The following IDH3A variants were observed in gnomAD, a reference collection of about 807,000 sequenced individuals.
The protein encoded by IDH3A is isocitrate dehydrogenase [NAD] subunit alpha, mitochondrial.
Under a neutral mutation model 43.3 loss-of-function variants are expected in IDH3A, and 23 were observed. That is an observed-to-expected ratio of 0.53 (90% CI 0.38 to 0.75). The LOEUF is 0.75. IDH3A is among the 30% of genes least tolerant of loss of function. IDH3A has a pLI of 0.00. For missense variants in IDH3A, 329 were observed against 474.4 expected (o/e 0.69, Z 2.85); for synonymous variants, 154 against 163.5 (o/e 0.94, Z 0.44).
At position 78,169,661 on chromosome 15, in the gene IDH3A, T is replaced by A. The variant is rs2141309505; in HGVS notation, c.*656T>A. ...AATAAGACAAAGGTAATATATTGGA[T>A]ACAAAGACACAAATGTATTGTGTGT... On this transcript the variant is annotated 3_prime_UTR_variant, in exon 11 of 11. Transcript: ENST00000299518. The A allele has an allele frequency of 6.6e-6, 1 of 152,358 alleles. No individual in the cohort carries two copies. Among genetic ancestry groups the A allele is most frequent in the Non-Finnish European group, 1.5e-5 (1 of 68,030 alleles). The allele number at this position is 152,358 out of a possible 1,614,324, so 9.4% of individuals were successfully genotyped here.
At position 78,161,142 on chromosome 15, in the gene IDH3A, A is replaced by G. The variant is rs1337578861; in HGVS notation, c.290-439A>G. ...AGCGATCCGCCTGCCTTGGCCTCCCAAAGTGTTGGGATTACAGGCCTGAGA... is the reference window on the plus strand; with the variant it reads ...AGCGATCCGCCTGCCTTGGCCTCCCGAAGTGTTGGGATTACAGGCCTGAGA... On this transcript the variant is annotated intron_variant, in intron 4 of 10. Coordinates refer to ENST00000299518, the MANE Select transcript of IDH3A (RefSeq NM_005530.3). This position sits in a 1 kb window ranked among gnomAD's most constrained non-coding sequence, Gnocchi z 4.8. Among the ~76,000 whole-genome samples the G allele has an allele frequency of 6.6e-6, 1 of 152,232 alleles. No individual in the cohort carries two copies. Among genetic ancestry groups the G allele is most frequent in the Non-Finnish European group, 1.5e-5 (1 of 68,032 alleles).
Position 78,158,463 on chromosome 15 carries a change from ATTTTTTTTTT to A in IDH3A, c.174+853_174+862del, listed in dbSNP as rs67298643. ...TACATACATACATATATATATATAT[ATTTTTTTTTT>A]TTTTTTTTTTTTTTTTTTTTGAGAC... On this transcript the variant is annotated intron_variant, in intron 3 of 10. Coordinates refer to ENST00000299518, the MANE Select transcript of IDH3A (RefSeq NM_005530.3). 4.5e-5 allele frequency among the ~76,000 whole-genome samples: 3 copies of A among 67,378 alleles called. 1 individual carries two copies. Among genetic ancestry groups the A allele is most frequent in the African/African-American group, 1.1e-4 (2 of 18,348 alleles). 44.2% of individuals were successfully genotyped at this position (67,378 alleles called of 152,430 possible).
At chr15:78,157,990 C>T (rs562353540) in intron 3 of IDH3A, among the ~76,000 whole-genome samples, 1 of 152,202 alleles carries the variant, frequency 6.6e-6, no homozygotes, top group African/African-American at 2.4e-5. Context: ...ATAGTTTAAA[C>T]TCCTGCATTG....
chr15:78,166,462 T>C (rs1437740813), intron 10 of IDH3A, 160 bp downstream of exon 10: 2 of 689,630 alleles, frequency 2.9e-6, no homozygotes, highest in Non-Finnish European at 5.1e-6. Context: ...GAACAGGGTA[T>C]GTGTGCACAT....
At chr15:78,152,357 CTT>C (rs33914139) in intron 1 of IDH3A, among the ~76,000 whole-genome samples, 65 of 80,698 alleles carry the variant, frequency 8.1e-4, no homozygotes, top group African/African-American at 1.6e-3. Flanking sequence ...TGCGCCCGGC[CTT>C]TTTTTTTTTT....
Position 78,155,227 on chromosome 15 carries a change from G to A in IDH3A, c.42G>A (p.Leu14=). The stretch of plus-strand genomic sequence containing the variant: ...TATTAATATAGGTCTCTCGGCTGCT[G>A]GGGGCATTCCACAACCCAAAACAGG... ...PAWISKVSRL[L]GAFHNPKQVT... is the part of the protein sequence containing the mutation. Residue 14 remains leucine, a synonymous_variant, in exon 2 of 11, where the codon CTG becomes CTA. Coordinates refer to ENST00000299518, the MANE Select transcript of IDH3A (RefSeq NM_005530.3). The A allele has an allele frequency of 1.2e-6, 2 of 1,611,272 alleles. No individual in the cohort carries two copies. The highest frequency in any genetic ancestry group is 2.2e-5 in the South Asian group (2 of 91,004).
rs2074723186 is a variant in IDH3A at position 78,164,978 on chromosome 15, T to G, written c.780-14T>G. Reference sequence around the variant, plus strand: ...TTTTTAAAAACATTCTTTGAAATGCTTTTCTTCCGCTAGTGACTTGTGTGC... The same window carrying G: ...TTTTTAAAAACATTCTTTGAAATGCGTTTCTTCCGCTAGTGACTTGTGTGC... On this transcript the variant is annotated splice_polypyrimidine_tract_variant and intron_variant, in intron 8 of 10. Coordinates refer to ENST00000299518, the MANE Select transcript of IDH3A (RefSeq NM_005530.3). 2 of 1,604,904 alleles carry G rather than the reference T, an allele frequency of 1.2e-6. No individual in the cohort carries two copies. Among genetic ancestry groups the G allele is most frequent in the Admixed American group, 1.7e-5 (1 of 59,060 alleles).
chr15:78,155,949 A>G (rs2074619725), intron 2 of IDH3A, among the ~76,000 whole-genome samples: 4 of 151,878 alleles, frequency 2.6e-5, no homozygotes, highest in Admixed American at 2.6e-4. Flanking sequence ...TAATTCCTAT[A>G]CTCCCATATA....
At chr15:78,167,332 G>A (rs1403137720) in intron 10 of IDH3A, 2 of 152,132 alleles carry the variant, frequency 1.3e-5, no homozygotes, top group African/African-American at 2.4e-5. Flanking sequence ...GCTCCTAAAT[G>A]ACCCAAGTTG....
chr15:78,155,453 G>A (rs976277913), intron 2 of IDH3A, 178 bp downstream of exon 2: 8 of 459,620 alleles, frequency 1.7e-5, no homozygotes, highest in African/African-American at 6.0e-5. Flanking sequence ...GGTTACTTGC[G>A]CATTTGAAAG....
intron 9 of IDH3A, among the ~76,000 whole-genome samples, chr15:78,165,414 C>T (rs1358072606): frequency 6.6e-6 from 1 of 152,064 alleles, no homozygotes; most frequent in Non-Finnish European, 1.5e-5. Context: ...TGTTCTTGAA[C>T]TCCTGATCTC....
In IDH3A at chr15:78,160,125, G is replaced by A. The variant is rs2074666638; in HGVS notation, c.208G>A (p.Ala70Thr). The change falls in exon 4 of 11, where the codon GCC (alanine) becomes ACC (threonine). Residue 70 changes from alanine to threonine, a missense_variant. By Grantham distance (58) the Ala-to-Thr change is moderately conservative. Around this residue, in one of 3 missense-constraint regions of IDH3A, gnomAD observed 212 missense variants for 345.5 expected, o/e 0.61. Coordinates refer to ENST00000299518, the MANE Select transcript of IDH3A (RefSeq NM_005530.3). ...TCAGTGGGAGGAGCGGAACGTCACT[G>A]CCATTCAAGGACCTGGAGGAAAGTG... is the stretch of plus-strand genomic sequence containing the variant. ...PIQWEERNVT[A>T]IQGPGGKWMI... 6.2e-7 allele frequency: 1 copy of A among 1,613,190 alleles called. No homozygotes were observed. The highest frequency in any genetic ancestry group is 1.1e-5 in the South Asian group (1 of 91,066).
At chr15:78,159,114 T>G (rs1281203083) in intron 3 of IDH3A, among the ~76,000 whole-genome samples, 1 of 152,222 alleles carries the variant, frequency 6.6e-6, no homozygotes, top group Non-Finnish European at 1.5e-5. Flanking sequence ...ATTACAGGCG[T>G]GAGCCACCAC....
intron 1 of IDH3A, chr15:78,154,376 T>C (rs768504313): frequency 6.6e-6 from 1 of 152,164 alleles, no homozygotes; most frequent in Non-Finnish European, 1.5e-5. Context: ...GGGCATCAGA[T>C]GGTATTAAAT....
rs77787593 is a variant in IDH3A at position 78,171,568 on chromosome 15, T to C, written c.*2563T>C. 21 of 1,495,642 alleles carry C rather than the reference T, an allele frequency of 1.4e-5. No homozygotes were observed. The East Asian group carries it at 4.5e-4, about 32-fold the overall frequency. The allele number at this position is 1,495,642 out of a possible 1,614,324, so 92.6% of individuals were successfully genotyped here. A position where few individuals can be genotyped will look rare whatever the true frequency, so the allele number is the denominator to read the frequency against. On this transcript the variant is annotated 3_prime_UTR_variant, in exon 11 of 11. Transcript: ENST00000299518. ...GAGAAGAAATGAGTGAGGCCCAGGC[T>C]CTGAGAACTCTGAGAATGTGTGTGG...
intron 1 of IDH3A, among the ~76,000 whole-genome samples, chr15:78,151,798 T>G (rs935334467): frequency 5.3e-5 from 8 of 150,424 alleles, no homozygotes; most frequent in African/African-American, 1.7e-4. Flanking sequence ...TGATGTGAGA[T>G]ATATATATAT....
chr15:78,161,691 A>G lies in IDH3A; in HGVS notation c.400A>G (p.Lys134Glu). Reference protein sequence around the residue: ...VRPCVSIEGYKTPYTDVNIVT... With the variant: ...VRPCVSIEGYETPYTDVNIVT... ...ACCATGTGTCTCTATCGAAGGCTATAAAACCCCTTACACCGATGTAAATAT... is the reference window on the plus strand; with the variant it reads ...ACCATGTGTCTCTATCGAAGGCTATGAAACCCCTTACACCGATGTAAATAT... The change falls in exon 5 of 11, where the codon AAA (lysine) becomes GAA (glutamate). Residue 134 changes from lysine to glutamate, a missense_variant. Lys to Glu is a moderately conservative substitution (Grantham distance 56). Around this residue, in one of 3 missense-constraint regions of IDH3A, gnomAD observed 212 missense variants for 345.5 expected, o/e 0.61. Coordinates refer to ENST00000299518, the MANE Select transcript of IDH3A (RefSeq NM_005530.3). The surrounding 1 kb of genome is among the most constrained non-coding windows in gnomAD (Gnocchi z 4.8). 1 of 1,614,152 alleles carries G rather than the reference A, an allele frequency of 6.2e-7. No individual in the cohort carries two copies. Among genetic ancestry groups the G allele is most frequent in the Non-Finnish European group, 8.5e-7 (1 of 1,179,972 alleles).
At chr15:78,160,229 G>A (rs751379698) in intron 4 of IDH3A, 23 bp downstream of exon 4, 1 of 1,379,156 alleles carries the variant, frequency 7.3e-7, no homozygotes, top group South Asian at 1.2e-5. Flanking sequence ...TAGAGACGGG[G>A]GTTTTTACAG....
rs377128251 is a variant in IDH3A, at chr15:78,165,013, C to T, written c.801C>T (p.Ile267=). The change falls in exon 9 of 11, where the codon ATC becomes ATT. Residue 267 remains isoleucine, a synonymous_variant. Transcript: ENST00000299518. The stretch of plus-strand genomic sequence containing the variant: ...CTAGTGACTTGTGTGCAGGATTGAT[C>T]GGAGGTCTCGGTGTGACACCAAGTG... ...DILSDLCAGL[I]GGLGVTPSGN... 176 of 1,613,352 alleles carry T rather than the reference C, an allele frequency of 1.1e-4. No homozygotes were observed. Among genetic ancestry groups the T allele is most frequent in the African/African-American group, 4.4e-4 (33 of 74,848 alleles).
Sources: gnomAD v4.1 joint callset for allele counts (sites outside exome capture counted in the v4.1 genomes callset) on GRCh38, gnomAD v4.1.1 for gene constraint, gnomAD v4.1.1 regional missense constraint, Gnocchi (gnomAD v3.1) non-coding constraint, MANE v1.5 for transcripts, NCBI Gene and HGNC (gene_info 2026-07-23, HGNC 2026-07-21) for gene names.